The following FSD1L variants were observed in gnomAD, a reference collection of about 807,000 sequenced individuals.
FSD1L encodes the protein FSD1-like protein.
Under a neutral mutation model 71.6 loss-of-function variants are expected in FSD1L, and 45 were observed. The observed-to-expected ratio is 0.63, with a 90% confidence interval of 0.49 to 0.81. FSD1L has a LOEUF of 0.81. FSD1L is among the 30% of genes least tolerant of loss of function. FSD1L has a pLI of 0.00. For synonymous variants in FSD1L, 197 were observed against 207.2 expected, an observed-to-expected ratio of 0.95 and a Z score of 0.42; for missense variants, 561 against 618.1, an observed-to-expected ratio of 0.91 and a Z score of 0.98.
chr9:105,470,669 A>G (rs984034740), intron 4 of FSD1L, among the ~76,000 whole-genome samples: 2 of 152,176 alleles, frequency 1.3e-5, no homozygotes, highest in African/African-American at 4.8e-5. Flanking sequence ...CATACACACC[A>G]TAAAAGCACA....
intron 1 of FSD1L, among the ~76,000 whole-genome samples, chr9:105,450,103 C>T (rs1829897613): frequency 6.6e-6 from 1 of 152,216 alleles, no homozygotes; most frequent in Admixed American, 6.5e-5. Context: ...GTTCAGTGCT[C>T]TGAACCTGAG....
chr9:105,463,143 GAAAA>G (rs1564082410), intron 2 of FSD1L, among the ~76,000 whole-genome samples: 1 of 19,100 alleles, frequency 5.2e-5, no homozygotes, highest in African/African-American at 1.5e-4. Context: ...TCTGTCTCGA[GAAAA>G]AAAACTTAAA....
chr9:105,508,272 G>A (rs908365696), intron 8 of FSD1L, among the ~76,000 whole-genome samples: 4 of 148,478 alleles, frequency 2.7e-5, no homozygotes, highest in Admixed American at 6.9e-5. Flanking sequence ...CCGCCTCCCC[G>A]GTTCACTCCA....
chr9:105,468,838 G>T (rs969957118), intron 4 of FSD1L, among the ~76,000 whole-genome samples: 4 of 152,166 alleles, frequency 2.6e-5, no homozygotes, highest in African/African-American at 7.2e-5. Context: ...ACAGTTGATG[G>T]TGTTAAATAT....
intron 6 of FSD1L, among the ~76,000 whole-genome samples, chr9:105,482,241 T>C (rs1783902029): frequency 6.6e-6 from 1 of 152,172 alleles, no homozygotes; most frequent in Admixed American, 6.6e-5. Flanking sequence ...GAGAGAAAAC[T>C]CAAGATAGAA....
At chr9:105,502,947 C>G (rs1256558434) in intron 7 of FSD1L, among the ~76,000 whole-genome samples, 3 of 149,462 alleles carry the variant, frequency 2.0e-5, no homozygotes, top group African/African-American at 7.4e-5. Context: ...TACAGTGGCA[C>G]AACCACTGCA....
chr9:105,462,780 C>T (rs1415811028), intron 2 of FSD1L, among the ~76,000 whole-genome samples: 2 of 149,896 alleles, frequency 1.3e-5, no homozygotes, highest in Admixed American at 6.6e-5. Flanking sequence ...GCCTGGGCCT[C>T]CCATAGCGCA....
At chr9:105,444,080 G>GA (rs1251228581), upstream of FSD1L, among the ~76,000 whole-genome samples, 1 of 152,036 alleles carries the variant, frequency 6.6e-6, no homozygotes, top group Non-Finnish European at 1.5e-5. Context: ...TTATACTCCA[G>GA]AAAAAACAGG....
chr9:105,511,601 G>A (rs1834398918), intron 9 of FSD1L, among the ~76,000 whole-genome samples: 1 of 152,124 alleles, frequency 6.6e-6, no homozygotes, highest in South Asian at 2.1e-4. Context: ...TGAAAGCTGT[G>A]AACTTCCTTG....
At chr9:105,485,885 C>T (rs545896393) in intron 7 of FSD1L, among the ~76,000 whole-genome samples, 10 of 151,978 alleles carry the variant, frequency 6.6e-5, no homozygotes, top group South Asian at 2.1e-4. Flanking sequence ...CCTCGTGATC[C>T]GCCCGCCTCG....
chr9:105,542,832 G>T (rs1238759412), intron 13 of FSD1L, among the ~76,000 whole-genome samples: 3 of 152,126 alleles, frequency 2.0e-5, no homozygotes, highest in African/African-American at 7.2e-5. Flanking sequence ...TTTTCTCCTG[G>T]TTATGGTTTG....
Position 105,535,056 on chromosome 9 carries a change from A to G in FSD1L, c.1127-11A>G. 1 of 1,551,384 alleles carries G rather than the reference A, an allele frequency of 6.4e-7. No homozygotes were observed. On this transcript the variant is annotated splice_polypyrimidine_tract_variant and intron_variant, in intron 11 of 13. Transcript: ENST00000481272. ...GAGATGAGTCAAATCTACCTTTCTG[A>G]TCTTTTGTAGGAGACACTGCTATTG...
intron 10 of FSD1L, chr9:105,522,829 G>T (rs1835262474): frequency 1.2e-6 from 2 of 1,612,674 alleles, no homozygotes; most frequent in Non-Finnish European, 1.7e-6. Context: ...ACAAGAAGAG[G>T]AAGTAGTCCA....
At chr9:105,487,606 T>C (rs1832636479) in intron 7 of FSD1L, among the ~76,000 whole-genome samples, 1 of 152,132 alleles carries the variant, frequency 6.6e-6, no homozygotes, top group Non-Finnish European at 1.5e-5. Context: ...ATTAATGATA[T>C]GTAGGGTAGG....
At chr9:105,448,007 C>A, upstream of FSD1L, 1 of 583,042 alleles carries the variant, frequency 1.7e-6, no homozygotes, top group Non-Finnish European at 3.0e-6. Context: ...CGGTGCGCTC[C>A]TCAGCCCCTC....
At chr9:105,473,441 A>G (rs567241866) in intron 5 of FSD1L, 2 of 152,344 alleles carry the variant, frequency 1.3e-5, no homozygotes, top group South Asian at 2.1e-4. Context: ...AACATCATAG[A>G]GTTCATGGAC....
upstream of FSD1L, among the ~76,000 whole-genome samples, chr9:105,443,341 GGGA>G (rs1414857577): frequency 4.6e-5 from 7 of 152,268 alleles, no homozygotes; most frequent in African/African-American, 1.7e-4. Context: ...TTCATCTGCA[GGGA>G]AACTCATTTT....
intron 13 of FSD1L, among the ~76,000 whole-genome samples, chr9:105,544,453 G>T (rs1836844104): frequency 6.6e-6 from 1 of 152,148 alleles, no homozygotes; most frequent in Non-Finnish European, 1.5e-5. Flanking sequence ...TGTCAATTTT[G>T]TCTTTTGTTG....
chr9:105,484,327 G>A (rs955709263), intron 6 of FSD1L, 54 bp from the exon 7 acceptor site: 1 of 1,273,882 alleles, frequency 7.9e-7, no homozygotes, highest in Non-Finnish European at 1.0e-6. Flanking sequence ...AATTAAATAT[G>A]ATTTGATACT....
Sources: gnomAD v4.1 joint callset for allele counts (sites outside exome capture counted in the v4.1 genomes callset) on GRCh38, gnomAD v4.1.1 for gene constraint, MANE v1.5 for transcripts, NCBI Gene and HGNC (gene_info 2026-07-23, HGNC 2026-07-21) for gene names.